The following BAZ2B variants were observed in gnomAD, a reference collection of about 807,000 sequenced individuals.
BAZ2B encodes the protein bromodomain adjacent to zinc finger domain 2B.
Under a neutral mutation model 246.0 loss-of-function variants are expected in BAZ2B, and 91 were observed. The observed-to-expected ratio is 0.37, with a 90% CI of 0.31 to 0.44. BAZ2B has a LOEUF of 0.44. Among genes scored for constraint, BAZ2B ranks in the 20% least tolerant of loss-of-function variants. The pLI, the probability that BAZ2B is intolerant of heterozygous loss-of-function variation, is 1.00. For synonymous variants in BAZ2B, 855 were observed against 860.0 expected, an observed-to-expected ratio of 0.99 and a Z score of 0.10; for missense variants, 2,332 against 2,533.7, an observed-to-expected ratio of 0.92 and a Z score of 1.71.
At chr2:159,436,112 G>A (rs772424775) in intron 8 of BAZ2B, among the ~76,000 whole-genome samples, 14 of 151,994 alleles carry the variant, frequency 9.2e-5, no homozygotes, top group East Asian at 1.9e-4. Context: ...GTGTGTTTTC[G>A]TTTGTTAGAA....
At chr2:159,658,977 T>G in the BAZ2B span, among the ~76,000 whole-genome samples, 8 of 152,304 alleles carry the variant, frequency 5.3e-5, no homozygotes, top group South Asian at 8.3e-4. Context: ...TTTGCACCTA[T>G]ACTCATGAGA....
chr2:159,676,945 A>AGAG, the BAZ2B span, among the ~76,000 whole-genome samples: 1 of 678 alleles, frequency 1.5e-3, no homozygotes, highest in South Asian at 0.028. Flanking sequence ...TGGTTAAAAT[A>AGAG]GTTTTGTTAT....
Position 159,430,971 on chromosome 2 carries a change from G to C in BAZ2B, c.2086C>G (p.His696Asp). Reference sequence around the variant, plus strand: ...GCAGAGCCTGGGGCTTTTGCTATGTGGAGGTTACGAGGTGTTGAGTGACCT... The same window carrying C: ...GCAGAGCCTGGGGCTTTTGCTATGTCGAGGTTACGAGGTGTTGAGTGACCT... Reference protein sequence around the residue: ...LTGHSTPRNLHIAKAPGSAPA... With the variant: ...LTGHSTPRNLDIAKAPGSAPA... The change falls in exon 10 of 37, where the codon CAC becomes GAC. Residue 696 changes from histidine (H) to aspartate (D), a missense_variant. Physicochemically the swap from His to Asp is moderately conservative, Grantham distance 81. Around this residue, in one of 9 missense-constraint regions of BAZ2B, gnomAD observed 651 missense variants for 650.9 expected, o/e 1.00. Coordinates refer to ENST00000392783, the MANE Select transcript of BAZ2B (RefSeq NM_013450.4). The C allele has an allele frequency of 6.2e-7, 1 of 1,614,030 alleles. No individual in the cohort carries two copies. Among genetic ancestry groups the C allele is most frequent in the Non-Finnish European group, 8.5e-7 (1 of 1,179,916 alleles).
chr2:159,526,332 A>G (rs2084731299), intron 2 of BAZ2B, among the ~76,000 whole-genome samples: 1 of 152,160 alleles, frequency 6.6e-6, no homozygotes, highest in Non-Finnish European at 1.5e-5. Flanking sequence ...TCAAAGCAGC[A>G]TGTAGACCGT....
At chr2:159,645,993 T>A in the BAZ2B span, among the ~76,000 whole-genome samples, 7 of 152,172 alleles carry the variant, frequency 4.6e-5, no homozygotes, top group African/African-American at 1.7e-4. Flanking sequence ...CCATTGTCAT[T>A]GATAACATCT....
intron 1 of BAZ2B, among the ~76,000 whole-genome samples, chr2:159,614,999 T>C (rs1191899833): frequency 6.6e-6 from 1 of 152,132 alleles, no homozygotes; most frequent in Non-Finnish European, 1.5e-5. Flanking sequence ...TTGCCCAAGA[T>C]GGCGAAACGC....
chr2:159,411,599 T>C (rs1316478707), intron 14 of BAZ2B, among the ~76,000 whole-genome samples: 2 of 152,240 alleles, frequency 1.3e-5, no homozygotes, highest in African/African-American at 2.4e-5. Context: ...TATGTTGATA[T>C]ATTCAGACAG....
In BAZ2B at chr2:159,389,921, T is replaced by C. The variant is rs184708141; in HGVS notation, c.3076-436A>G. 6.2e-3 allele frequency among the ~76,000 whole-genome samples: 841 copies of C among 134,706 alleles called. 4 individuals are homozygous for C. Among genetic ancestry groups the C allele is most frequent in the African/African-American group, 0.024 (806 of 33,324 alleles). The allele number at this position is 134,706 out of a possible 152,430, so 88.4% of individuals were successfully genotyped here. On this transcript the variant is annotated intron_variant, in intron 20 of 36. Coordinates refer to ENST00000392783, the MANE Select transcript of BAZ2B (RefSeq NM_013450.4). ...AGCACCTGTGAGGAAAGAAAAATAT[T>C]ATTCACCACCATAAACAACACTTAA...
At chr2:159,381,919 C>T (rs2062038078) in intron 25 of BAZ2B, among the ~76,000 whole-genome samples, 1 of 152,190 alleles carries the variant, frequency 6.6e-6, no homozygotes, top group Non-Finnish European at 1.5e-5. Context: ...TAATGTTCAG[C>T]TCAGCTTATA....
chr2:159,366,238 C>A (rs573893303), intron 27 of BAZ2B, among the ~76,000 whole-genome samples: 2 of 152,348 alleles, frequency 1.3e-5, no homozygotes, highest in Admixed American at 1.3e-4. Context: ...AAACTCTCAA[C>A]CAAATACTTC....
intron 2 of BAZ2B, among the ~76,000 whole-genome samples, chr2:159,552,932 C>T (rs1481750499): frequency 6.6e-6 from 1 of 151,954 alleles, no homozygotes; most frequent in Non-Finnish European, 1.5e-5. Flanking sequence ...ATTAGAGAGA[C>T]AGTTTGATTT....
intron 1 of BAZ2B, among the ~76,000 whole-genome samples, chr2:159,607,689 T>C (rs1693819346): frequency 6.6e-6 from 1 of 152,214 alleles, no homozygotes; most frequent in African/African-American, 2.4e-5. Context: ...TCTAGCTCTA[T>C]ATTTGTTCTA....
the BAZ2B span, among the ~76,000 whole-genome samples, chr2:159,701,822 A>C: frequency 6.6e-6 from 1 of 151,674 alleles, no homozygotes; most frequent in Non-Finnish European, 1.5e-5. Context: ...TCCACCTCCC[A>C]GGTTCCAGTG....
At chr2:159,505,222 C>T (rs888194685) in intron 2 of BAZ2B, among the ~76,000 whole-genome samples, 5 of 152,102 alleles carry the variant, frequency 3.3e-5, no homozygotes, top group African/African-American at 7.2e-5. Flanking sequence ...AGTGTCATCT[C>T]GTAGTTTTTC....
chr2:159,337,510 G>A, intron 32 of BAZ2B, 57 bp downstream of exon 32: 6 of 1,613,668 alleles, frequency 3.7e-6, no homozygotes, highest in Non-Finnish European at 5.1e-6. Context: ...GACAGTAACT[G>A]TGCCCACATT....
chr2:159,562,598 A>G (rs1251525498), intron 1 of BAZ2B, among the ~76,000 whole-genome samples: 1 of 152,204 alleles, frequency 6.6e-6, no homozygotes, highest in Admixed American at 6.5e-5. Context: ...AAAGTGAACC[A>G]ATCACTTGGG....
chr2:159,322,920 T>C (rs936213868), intron 36 of BAZ2B, among the ~76,000 whole-genome samples: 1 of 152,052 alleles, frequency 6.6e-6, no homozygotes, highest in African/African-American at 2.4e-5. Context: ...GACTGTTTCC[T>C]TCTCTCTTTC....
chr2:159,377,272 T>A (rs183796894), intron 25 of BAZ2B, among the ~76,000 whole-genome samples: 68 of 152,348 alleles, frequency 4.5e-4, no homozygotes, highest in Non-Finnish European at 1.3e-4. Context: ...TGAGAACTAA[T>A]GTGCCTAACT....
intron 2 of BAZ2B, among the ~76,000 whole-genome samples, chr2:159,495,500 A>G (rs1412586010): frequency 6.7e-6 from 1 of 148,862 alleles, no homozygotes; most frequent in East Asian, 2.0e-4. Flanking sequence ...AAAAAAAAAA[A>G]AAAAAAAAAA....
Sources: allele counts gnomAD v4.1 joint callset (sites outside exome capture counted in the v4.1 genomes callset), GRCh38; gene constraint gnomAD v4.1.1; regional missense constraint gnomAD v4.1.1; transcripts MANE v1.5; gene names NCBI Gene and HGNC (gene_info 2026-07-23, HGNC 2026-07-21).